Variants in PCSK2 observed in about 807,000 individuals in gnomAD.
PCSK2 encodes proprotein convertase subtilisin/kexin type 2.
In PCSK2, 14 loss-of-function variants were observed where a neutral mutation model predicts 69.7. The observed-to-expected ratio is 0.20, with a 90% CI of 0.13 to 0.31. The LOEUF (loss-of-function observed/expected upper bound fraction) is 0.31. Among genes scored for constraint, PCSK2 ranks in the 10% least tolerant of loss-of-function variants. The pLI, the probability that PCSK2 is intolerant of heterozygous loss-of-function variation, is 1.00. For synonymous variants in PCSK2, 307 were observed against 320.7 expected (o/e 0.96, Z 0.46); for missense variants, 544 against 842.5 (o/e 0.65, Z 4.39).
intron 2 of PCSK2, among the ~76,000 whole-genome samples, chr20:17,343,604 TG>T (rs1390707805): frequency 6.6e-6 from 1 of 152,188 alleles, no homozygotes; most frequent in African/African-American, 2.4e-5. Context: ...CATGGCAAGG[TG>T]GGGTTAAGGT....
intron 5 of PCSK2, among the ~76,000 whole-genome samples, chr20:17,396,516 T>G: frequency 6.6e-6 from 1 of 152,174 alleles, no homozygotes; most frequent in East Asian, 1.9e-4. Context: ...AATTAGCCAT[T>G]GTTTCCACAT....
At chr20:17,283,263 G>A (rs1203273157) in intron 2 of PCSK2, among the ~76,000 whole-genome samples, 1 of 152,194 alleles carries the variant, frequency 6.6e-6, no homozygotes, top group Non-Finnish European at 1.5e-5. Flanking sequence ...TAGGTAAAGA[G>A]ACTACAGAAT....
In PCSK2 at chr20:17,481,796, G is replaced by A; in HGVS notation, c.1643G>A (p.Gly548Asp). Reference protein sequence around the residue: ...RRPRDDDSKVGFDKWPFMTTH... With the variant: ...RRPRDDDSKVDFDKWPFMTTH... ...CCAAGGGATGACGACTCCAAGGTGG[G>A]CTTTGACAAGTGGCCTTTCATGACC... is the stretch of plus-strand genomic sequence containing the variant. Residue 548 changes from glycine (G) to aspartate (D), a missense_variant, in exon 12 of 12, where the codon GGC becomes GAC. Gly to Asp is a moderately conservative substitution (Grantham distance 94). Coordinates refer to ENST00000262545, the MANE Select transcript of PCSK2 (RefSeq NM_002594.5). 6.2e-7 allele frequency: 1 copy of A among 1,614,166 alleles called. No homozygotes were observed. The highest frequency in any genetic ancestry group is 8.5e-7 in the Non-Finnish European group (1 of 1,180,032).
intron 5 of PCSK2, among the ~76,000 whole-genome samples, chr20:17,376,994 G>A (rs778000367): frequency 3.9e-5 from 6 of 152,166 alleles, no homozygotes; most frequent in Admixed American, 2.0e-4. Context: ...CCTCATAGGT[G>A]GATGCCACCA....
At chr20:17,294,191 G>A (rs1275116215) in intron 2 of PCSK2, among the ~76,000 whole-genome samples, 6 of 129,890 alleles carry the variant, frequency 4.6e-5, no homozygotes, top group African/African-American at 8.6e-5. Flanking sequence ...TGCAAGCTCC[G>A]CCTCCCGGGT....
intron 2 of PCSK2, among the ~76,000 whole-genome samples, chr20:17,271,535 A>G (rs1475953931): frequency 1.3e-5 from 2 of 152,108 alleles, no homozygotes; most frequent in African/African-American, 4.8e-5. Flanking sequence ...GGTCAGTTGT[A>G]AGCAAAACAG....
At chr20:17,241,562 A>G (rs1426697929) in intron 1 of PCSK2, among the ~76,000 whole-genome samples, 2 of 152,218 alleles carry the variant, frequency 1.3e-5, no homozygotes, top group Non-Finnish European at 2.9e-5. Flanking sequence ...AACAAGTAGC[A>G]CATCATTTAA....
intron 10 of PCSK2, among the ~76,000 whole-genome samples, chr20:17,457,924 A>G (rs1230759109): frequency 6.6e-6 from 1 of 152,220 alleles, no homozygotes; most frequent in Non-Finnish European, 1.5e-5. Context: ...CCATAGGCAC[A>G]CAAATGGAAG....
intron 2 of PCSK2, among the ~76,000 whole-genome samples, chr20:17,274,769 C>A (rs1987996175): frequency 6.6e-6 from 1 of 151,944 alleles, no homozygotes; most frequent in Non-Finnish European, 1.5e-5. Context: ...TGTTTTAAGC[C>A]ATTAGTATGT....
intron 6 of PCSK2, among the ~76,000 whole-genome samples, chr20:17,417,445 C>T (rs1488422494): frequency 6.6e-6 from 1 of 152,138 alleles, no homozygotes; most frequent in African/African-American, 2.4e-5. Context: ...CCACTTTGAC[C>T]AGTAAATGGG....
intron 2 of PCSK2, among the ~76,000 whole-genome samples, chr20:17,281,291 G>A (rs1284200704): frequency 6.6e-6 from 1 of 152,130 alleles, no homozygotes; most frequent in East Asian, 1.9e-4. Flanking sequence ...CAGCCTTCCT[G>A]GAACTCCCTT....
At chr20:17,331,358 A>G (rs1990201614) in intron 2 of PCSK2, among the ~76,000 whole-genome samples, 6 of 152,228 alleles carry the variant, frequency 3.9e-5, no homozygotes. Flanking sequence ...AAGTTAAATA[A>G]CTTTCTGAGG....
At chr20:17,479,721 C>G (rs3790332) in intron 11 of PCSK2, among the ~76,000 whole-genome samples, 19,082 of 147,054 alleles carry the variant, frequency 0.13, 1,161 homozygotes, top group East Asian at 0.16. Context: ...GGCGTGAACC[C>G]GGGAGGCGGA....
intron 10 of PCSK2, among the ~76,000 whole-genome samples, chr20:17,459,970 C>T (rs1016283889): frequency 5.9e-5 from 9 of 152,148 alleles, no homozygotes; most frequent in African/African-American, 1.9e-4. Flanking sequence ...CATGAAACAA[C>T]GAATCCAAAT....
At chr20:17,291,060 C>T (rs1361511) in intron 2 of PCSK2, among the ~76,000 whole-genome samples, 1 of 151,914 alleles carries the variant, frequency 6.6e-6, no homozygotes, top group African/African-American at 2.4e-5. Flanking sequence ...AAATTTCAAC[C>T]TGAGTTTAGG....
At chr20:17,435,863 T>A (rs1453113743) in intron 7 of PCSK2, among the ~76,000 whole-genome samples, 3 of 152,078 alleles carry the variant, frequency 2.0e-5, no homozygotes, top group African/African-American at 7.2e-5. Context: ...GCTACTGAGA[T>A]CCCCCTGGAG....
chr20:17,236,098 C>T (rs921241120), intron 1 of PCSK2, among the ~76,000 whole-genome samples: 1 of 151,998 alleles, frequency 6.6e-6, no homozygotes, highest in Non-Finnish European at 1.5e-5. Context: ...AACTCTATTG[C>T]AGATACTTCT....
chr20:17,465,917 C>T (rs1465964357), intron 11 of PCSK2, among the ~76,000 whole-genome samples: 2 of 152,128 alleles, frequency 1.3e-5, no homozygotes, highest in Non-Finnish European at 2.9e-5. Context: ...GATCCTTCTG[C>T]CCTGGCCTCC....
At chr20:17,261,795 T>C (rs1328968802) in intron 2 of PCSK2, among the ~76,000 whole-genome samples, 1 of 152,250 alleles carries the variant, frequency 6.6e-6, no homozygotes, top group Non-Finnish European at 1.5e-5. Context: ...TTCCCTACAC[T>C]TCAACCCTAT....
Sources: gnomAD v4.1 joint callset for allele counts (sites outside exome capture counted in the v4.1 genomes callset) on GRCh38, gnomAD v4.1.1 for gene constraint, MANE v1.5 for transcripts, NCBI Gene and HGNC (gene_info 2026-07-23, HGNC 2026-07-21) for gene names.